Variants in FGD3 observed in about 807,000 individuals in gnomAD.
FGD3 encodes the protein FYVE, RhoGEF and PH domain containing 3, also known as FYVE, RhoGEF and PH domain-containing protein 3.
In FGD3, 45 loss-of-function variants were observed where a neutral mutation model predicts 71.8. The observed-to-expected ratio is 0.63, with a 90% CI of 0.49 to 0.80. FGD3 has a LOEUF of 0.80. Ranked by LOEUF, FGD3 falls within the 30% of genes least tolerant of loss-of-function variation. The probability of loss-of-function intolerance (pLI) is 0.00; values close to 1 mark genes in which losing one functional copy is unlikely to be tolerated. For synonymous variants in FGD3, 378 were observed against 392.8 expected (o/e 0.96, Z 0.44); for missense variants, 844 against 951.5 (o/e 0.89, Z 1.49).
intron 3 of FGD3, among the ~76,000 whole-genome samples, chr9:92,991,032 A>G (rs935541885): frequency 1.3e-5 from 2 of 151,542 alleles, no homozygotes; most frequent in African/African-American, 4.9e-5. Context: ...TCAGTGGTGA[A>G]CCCACTGGGT....
chr9:93,035,677 G>A lies in FGD3; in HGVS notation c.*88G>A. 2 of 1,481,792 alleles carry A rather than the reference G, an allele frequency of 1.3e-6. No individual in the cohort carries two copies. Among genetic ancestry groups the A allele is most frequent in the South Asian group, 2.7e-5 (2 of 73,520 alleles). 91.8% of individuals were successfully genotyped at this position (1,481,792 alleles called of 1,614,324 possible). ...TTGGAGGCCCCATGAAGAGCGCCCT[G>A]GACTGCTGAGGGTGGGCCAACAGCC... On this transcript the variant is annotated 3_prime_UTR_variant, in exon 18 of 18. Coordinates refer to ENST00000375482, the MANE Select transcript of FGD3 (RefSeq NM_001083536.2).
intron 1 of FGD3, among the ~76,000 whole-genome samples, chr9:92,955,641 C>G (rs58264693): frequency 2.0e-5 from 3 of 151,866 alleles, no homozygotes; most frequent in Non-Finnish European, 4.4e-5. Context: ...GATATAGGAC[C>G]ATATCATAGC....
chr9:93,009,714 G>A (rs1223582634), intron 6 of FGD3, among the ~76,000 whole-genome samples: 1 of 152,206 alleles, frequency 6.6e-6, no homozygotes, highest in Admixed American at 6.5e-5. Flanking sequence ...AGCAGAGCTG[G>A]GTACACGTGG....
chr9:92,975,345 G>T lies in FGD3; in HGVS notation c.-110G>T, dbSNP rs988131446. 6.6e-6 allele frequency: 1 copy of T among 152,516 alleles called. No individual in the cohort carries two copies. The highest frequency in any genetic ancestry group is 1.5e-5 in the Non-Finnish European group (1 of 68,312). 9.4% of individuals were successfully genotyped at this position (152,516 alleles called of 1,614,324 possible). A position where few individuals can be genotyped will look rare whatever the true frequency, so the allele number is the denominator to read the frequency against. On this transcript the variant is annotated 5_prime_UTR_variant, in exon 2 of 18. Coordinates refer to ENST00000375482, the MANE Select transcript of FGD3 (RefSeq NM_001083536.2). ...CCGGCCAACCCCAGACCCCAGCACG[G>T]AGCCAGGCGCCTGTGCCCGCCGACC... is the stretch of plus-strand genomic sequence containing the variant.
At chr9:93,032,637 TCGCCACA>T in intron 15 of FGD3, 125 bp from the exon 16 acceptor site, 2 of 855,722 alleles carry the variant, frequency 2.3e-6, no homozygotes, top group South Asian at 1.5e-5. Context: ...CTCTTATCCC[TCGCCACA>T]CGCCACACTG....
chr9:93,011,645 C>G (rs1026316871), intron 8 of FGD3, among the ~76,000 whole-genome samples: 1 of 151,878 alleles, frequency 6.6e-6, no homozygotes, highest in Non-Finnish European at 1.5e-5. Flanking sequence ...ATCATGAGGT[C>G]AGGAGTTGGA....
chr9:92,953,354 C>A (rs1333634914), intron 1 of FGD3, among the ~76,000 whole-genome samples: 4 of 152,156 alleles, frequency 2.6e-5, no homozygotes, highest in Non-Finnish European at 5.9e-5. Context: ...CTGCCAGAGC[C>A]GCTCTGTAAT....
intron 5 of FGD3, among the ~76,000 whole-genome samples, 156 bp from the exon 6 acceptor site, chr9:93,005,868 G>A (rs1182040054): frequency 6.6e-6 from 1 of 152,096 alleles, no homozygotes; most frequent in African/African-American, 2.4e-5. Flanking sequence ...ACATGACATA[G>A]GGGAGGAAGC....
rs142267817 is a variant in FGD3, at chr9:92,951,806, T to G, written c.-218+4077T>G. 6.4e-3 allele frequency among the ~76,000 whole-genome samples: 982 copies of G among 152,256 alleles called. 13 individuals are homozygous for G. The highest frequency in any genetic ancestry group is 0.022 in the African/African-American group (926 of 41,546). On this transcript the variant is annotated intron_variant, in intron 1 of 17. Transcript: ENST00000375482. ...TCATGTAGCTGCGGAGGTGGTAAAC[T>G]GAATGAATAAAACTGCTGGTCTTTG... is the stretch of plus-strand genomic sequence containing the variant.
At chr9:93,005,354 C>G (rs902891241) in intron 5 of FGD3, among the ~76,000 whole-genome samples, 19 of 152,064 alleles carry the variant, frequency 1.2e-4, no homozygotes, top group Admixed American at 1.2e-3. Flanking sequence ...GTCTCGATCT[C>G]CTGACCTTGT....
At chr9:93,012,639 G>A (rs1317927264) in intron 8 of FGD3, among the ~76,000 whole-genome samples, 2 of 142,482 alleles carry the variant, frequency 1.4e-5, no homozygotes, top group African/African-American at 2.6e-5. Context: ...ACAAAAATTA[G>A]CCAGGTGTGG....
At chr9:93,016,970 A>G (rs1009245842) in intron 10 of FGD3, among the ~76,000 whole-genome samples, 11 of 152,202 alleles carry the variant, frequency 7.2e-5, no homozygotes, top group Non-Finnish European at 1.3e-4. Flanking sequence ...TCTTCTAACT[A>G]CTATAAAAAG....
intron 5 of FGD3, among the ~76,000 whole-genome samples, chr9:93,005,400 C>T (rs1428499155): frequency 6.6e-6 from 1 of 152,196 alleles, no homozygotes; most frequent in Non-Finnish European, 1.5e-5. Context: ...TGCTGGATTA[C>T]AGGCATGAGC....
At chr9:93,018,250 A>G (rs2118783241) in intron 11 of FGD3, 35 bp downstream of exon 11, 1 of 1,559,240 alleles carries the variant, frequency 6.4e-7, no homozygotes, top group East Asian at 2.2e-5. Flanking sequence ...AATGTCTTTG[A>G]CCTCATGTCT....
At chr9:93,015,358 AG>A in intron 9 of FGD3, among the ~76,000 whole-genome samples, 1 of 152,300 alleles carries the variant, frequency 6.6e-6, no homozygotes, top group South Asian at 2.1e-4. Flanking sequence ...CGGGAGGCTG[AG>A]GCAGGAGAAG....
intron 1 of FGD3, among the ~76,000 whole-genome samples, chr9:92,974,055 G>T (rs1021780456): frequency 6.6e-6 from 1 of 152,194 alleles, no homozygotes; most frequent in Non-Finnish European, 1.5e-5. Context: ...GTGTTTTACC[G>T]CTTGGTGTAG....
chr9:93,004,934 C>G (rs1296058130), intron 5 of FGD3, among the ~76,000 whole-genome samples: 1 of 152,196 alleles, frequency 6.6e-6, no homozygotes, highest in African/African-American at 2.4e-5. Context: ...AGCTGCCGAA[C>G]AGGTTTACAT....
intron 16 of FGD3, chr9:93,034,310 G>T: frequency 2.1e-6 from 1 of 483,434 alleles, no homozygotes; most frequent in Non-Finnish European, 3.6e-6. Context: ...CCCTCCCCTT[G>T]GAGGGCCCAG....
rs1054170789 is a variant in FGD3 at position 92,966,403 on chromosome 9, C to T, written c.-217-8835C>T. ...GCTTGCTGCCTGCCGGTGAGTGTCC[C>T]TGGTCTCAGGAAAGTAACCCACAGG... On this transcript the variant is annotated intron_variant, in intron 1 of 17. Coordinates refer to ENST00000375482, the MANE Select transcript of FGD3 (RefSeq NM_001083536.2). Among the ~76,000 whole-genome samples the T allele has an allele frequency of 2.6e-5, 4 of 152,238 alleles. No individual in the cohort carries two copies. In the South Asian group the frequency reaches 6.2e-4, roughly 24 times the overall value.
Sources: allele counts gnomAD v4.1 joint callset (sites outside exome capture counted in the v4.1 genomes callset), GRCh38; gene constraint gnomAD v4.1.1; transcripts MANE v1.5; gene names NCBI Gene and HGNC (gene_info 2026-07-23, HGNC 2026-07-21).